The following ADNP variants were observed in gnomAD, a reference collection of about 807,000 sequenced individuals.
ADNP encodes the protein activity dependent neuroprotector homeobox, also known as activity-dependent neuroprotector homeobox protein.
ADNP carries 4 observed loss-of-function variants against 84.9 expected under a neutral mutation model. The observed-to-expected ratio is 0.05, with a 90% confidence interval of 0.02 to 0.11. ADNP has a LOEUF of 0.11. ADNP is among the 10% of genes least tolerant of loss of function. ADNP has a pLI of 1.00. For synonymous variants in ADNP, 554 were observed against 468.1 expected, an observed-to-expected ratio of 1.18 and a Z score of -2.37; for missense variants, 1,132 against 1,326.0, an observed-to-expected ratio of 0.85 and a Z score of 2.27.
In ADNP at chr20:50,893,236, T is replaced by A; in HGVS notation, c.1478A>T (p.Tyr493Phe). 6.2e-7 allele frequency: 1 copy of A among 1,614,254 alleles called. No homozygotes were observed. Residue 493 changes from tyrosine to phenylalanine, a missense_variant, in exon 6 of 6, where the codon TAC becomes TTC. Tyr to Phe is a conservative substitution (Grantham distance 22, BLOSUM62 3). Coordinates refer to ENST00000621696, the MANE Select transcript of ADNP (RefSeq NM_001282531.3). The surrounding 1 kb of genome is among the most constrained non-coding windows in gnomAD (Gnocchi z 4.4). ...KIHNFTSKCL[Y>F]CNRYLPTDTL... Reference sequence around the variant, plus strand: ...ATCTGTGGGTAAATAGCGATTACAGTAGAGGCATTTGCTAGTAAAATTGTG... The same window carrying A: ...ATCTGTGGGTAAATAGCGATTACAGAAGAGGCATTTGCTAGTAAAATTGTG...
intron 5 of ADNP, among the ~76,000 whole-genome samples, chr20:50,895,361 T>C (rs985376250): frequency 4.1e-4 from 63 of 152,192 alleles, no homozygotes; most frequent in African/African-American, 1.5e-3. Context: ...AACACAATGG[T>C]AAATATTTGT....
Position 50,892,368 on chromosome 20 carries a change from G to A in ADNP, c.2346C>T (p.Thr782=). The change falls in exon 6 of 6, where the codon ACC becomes ACT. Residue 782 remains threonine (T), a synonymous_variant. Coordinates refer to ENST00000621696, the MANE Select transcript of ADNP (RefSeq NM_001282531.3). ...TKYFNKQPYP[T]RREIEKLAAS... The stretch of plus-strand genomic sequence containing the variant: ...CTGCTAGCTTCTCAATTTCTCTCCT[G>A]GTGGGATAGGGCTGTTTGTTGAAAT... The A allele has an allele frequency of 6.2e-7, 1 of 1,614,096 alleles. No homozygotes were observed. The highest frequency in any genetic ancestry group is 8.5e-7 in the Non-Finnish European group (1 of 1,180,032).
chr20:50,908,631 A>C (rs965018048), intron 2 of ADNP, among the ~76,000 whole-genome samples: 1 of 151,916 alleles, frequency 6.6e-6, no homozygotes, highest in Non-Finnish European at 1.5e-5. Flanking sequence ...AAAATTAGCT[A>C]GGCGTGGTGG....
chr20:50,902,175 A>G (rs560911339), intron 4 of ADNP, 66 bp from the exon 5 acceptor site: 1 of 1,193,098 alleles, frequency 8.4e-7, no homozygotes, highest in Admixed American at 1.8e-5. Context: ...TCTTACATGT[A>G]AATCTCACCT....
chr20:50,913,960 ACTG>A (rs1251501932), intron 2 of ADNP: 1 of 711,372 alleles, frequency 1.4e-6, no homozygotes, highest in East Asian at 2.6e-5. Context: ...TCCTCTTCAG[ACTG>A]CTGTTTGTGC....
Position 50,891,105 on chromosome 20 carries a change from G to A in ADNP, c.*300C>T, listed in dbSNP as rs1338911838. The A allele has an allele frequency of 2.6e-6, 3 of 1,167,466 alleles. No homozygotes were observed. Among genetic ancestry groups the A allele is most frequent in the African/African-American group, 1.6e-5 (1 of 62,618 alleles). The allele number at this position is 1,167,466 out of a possible 1,614,324, so 72.3% of individuals were successfully genotyped here. A position where few individuals can be genotyped will look rare whatever the true frequency, so the allele number is the denominator to read the frequency against. On this transcript the variant is annotated 3_prime_UTR_variant, in exon 6 of 6. Coordinates refer to ENST00000621696, the MANE Select transcript of ADNP (RefSeq NM_001282531.3). ...GACATCTGACCAATCATTTCACAGA[G>A]GGAAAGAAATGTTGAAAAGGCAGAT...
At chr20:50,897,025 T>A (rs565505253) in intron 5 of ADNP, among the ~76,000 whole-genome samples, 1 of 152,368 alleles carries the variant, frequency 6.6e-6, no homozygotes, top group South Asian at 2.1e-4. Context: ...CACTGCAACC[T>A]GCACTTCCCG....
At chr20:50,902,185 T>C (rs1982052654) in intron 4 of ADNP, 76 bp from the exon 5 acceptor site, 1 of 1,098,048 alleles carries the variant, frequency 9.1e-7, no homozygotes, top group African/African-American at 1.6e-5. Flanking sequence ...AAATCTCACC[T>C]CTTAACTAAG....
Position 50,892,449 on chromosome 20 carries a change from G to A in ADNP, c.2265C>T (p.Asp755=), listed in dbSNP as rs1600929676. The change falls in exon 6 of 6, where the codon GAC becomes GAT. Residue 755 remains aspartate (D), a synonymous_variant. Coordinates refer to ENST00000621696, the MANE Select transcript of ADNP (RefSeq NM_001282531.3). The stretch of plus-strand genomic sequence containing the variant: ...AGGAATCATCTTCATGACCCTTGGG[G>A]TCTAAAGCTAAAACAACAGGCTCTT... The part of the protein sequence containing the change: ...KPEEPVVLAL[D]PKGHEDDSYE... 1.2e-6 allele frequency: 2 copies of A among 1,614,156 alleles called. No homozygotes were observed. The highest frequency in any genetic ancestry group is 2.2e-5 in the East Asian group (1 of 44,882).
In ADNP at chr20:50,931,057, GCAGA is replaced by G. The variant is rs1453225820; in HGVS notation, c.-500_-497del. ...GGCGGCGGCGGCGTCGTCGAGCGGTGCAGACAAAGGAGGGGCGGAGGGAGGAGAC... is the reference window on the plus strand; with the variant it reads ...GGCGGCGGCGGCGTCGTCGAGCGGTGCAAAGGAGGGGCGGAGGGAGGAGAC... On this transcript the variant is annotated 5_prime_UTR_variant, in exon 1 of 6. Transcript: ENST00000621696. 1.2e-4 allele frequency: 18 copies of G among 148,970 alleles called. No individual in the cohort carries two copies. The highest frequency in any genetic ancestry group is 1.2e-3 in the Admixed American group (18 of 14,928). 9.2% of individuals were successfully genotyped at this position (148,970 alleles called of 1,614,324 possible). A position where few individuals can be genotyped will look rare whatever the true frequency, so the allele number is the denominator to read the frequency against.
intron 5 of ADNP, among the ~76,000 whole-genome samples, chr20:50,895,061 A>T (rs1231603887): frequency 6.6e-6 from 1 of 152,264 alleles, no homozygotes; most frequent in Non-Finnish European, 1.5e-5. Context: ...CATTTTAGCT[A>T]AACCAAAGAC....
chr20:50,917,328 T>C (rs1983585589), intron 2 of ADNP, among the ~76,000 whole-genome samples: 1 of 152,240 alleles, frequency 6.6e-6, no homozygotes, highest in Non-Finnish European at 1.5e-5. Context: ...AGTCAGATGA[T>C]TCCATCACAT....
rs1980721918 is a variant in ADNP, at chr20:50,891,548, GCTC to G, written c.3163_3165del (p.Glu1055del). ...CACTCAATCTGGGGGTTAGATAAGC[GCTC>G]ATCATTCTCAGATGCATTCTTCCAC... On this transcript the variant is annotated inframe_deletion, in exon 6 of 6. Coordinates refer to ENST00000621696, the MANE Select transcript of ADNP (RefSeq NM_001282531.3). 6.2e-7 allele frequency: 1 copy of G among 1,611,960 alleles called. No individual in the cohort carries two copies. Among genetic ancestry groups the G allele is most frequent in the Non-Finnish European group, 8.5e-7 (1 of 1,180,034 alleles).
chr20:50,910,205 T>G (rs1568731955), intron 2 of ADNP, among the ~76,000 whole-genome samples: 1 of 152,152 alleles, frequency 6.6e-6, no homozygotes, highest in Non-Finnish European at 1.5e-5. Context: ...GCTTTGACTC[T>G]GATTTCATGA....
chr20:50,907,723 G>C (rs946656241), intron 2 of ADNP, among the ~76,000 whole-genome samples: 2 of 151,672 alleles, frequency 1.3e-5, no homozygotes, highest in Admixed American at 6.6e-5. Context: ...GGGACTACAG[G>C]TGCACACTAC....
At chr20:50,920,396 C>CAGTAG (rs1983877305) in intron 2 of ADNP, among the ~76,000 whole-genome samples, 1 of 150,952 alleles carries the variant, frequency 6.6e-6, no homozygotes, top group African/African-American at 2.4e-5. Context: ...GCCTGACCAA[C>CAGTAG]ATGGTGAAAC....
intron 2 of ADNP, among the ~76,000 whole-genome samples, chr20:50,919,266 C>A (rs1013235047): frequency 7.8e-6 from 1 of 128,596 alleles, no homozygotes. Flanking sequence ...TCAAGACCAG[C>A]CTGAAAAAAT....
At chr20:50,926,589 G>A (rs1240076903) in intron 2 of ADNP, among the ~76,000 whole-genome samples, 1 of 151,916 alleles carries the variant, frequency 6.6e-6, no homozygotes, top group African/African-American at 2.4e-5. Context: ...AAAACTAAAT[G>A]TACTTTCCCC....
Position 50,889,194 on chromosome 20 carries a change from T to G in ADNP, c.*2211A>C, listed in dbSNP as rs1980387939. 1 of 152,180 alleles carries G rather than the reference T, an allele frequency of 6.6e-6. No homozygotes were observed. Among genetic ancestry groups the G allele is most frequent in the African/African-American group, 2.4e-5 (1 of 41,452 alleles). The allele number at this position is 152,180 out of a possible 1,614,324, so 9.4% of individuals were successfully genotyped here. A position where few individuals can be genotyped will look rare whatever the true frequency, so the allele number is the denominator to read the frequency against. On this transcript the variant is annotated 3_prime_UTR_variant, in exon 6 of 6. Transcript: ENST00000621696. Reference sequence around the variant, plus strand: ...TCACCACCTTAATGAGGAAACACACTTATCTGTGTCTGTTCCGATATCCAA... The same window carrying G: ...TCACCACCTTAATGAGGAAACACACGTATCTGTGTCTGTTCCGATATCCAA...
Sources: allele counts gnomAD v4.1 joint callset (sites outside exome capture counted in the v4.1 genomes callset), GRCh38; gene constraint gnomAD v4.1.1; non-coding constraint Gnocchi (gnomAD v3.1); transcripts MANE v1.5; gene names NCBI Gene and HGNC (gene_info 2026-07-23, HGNC 2026-07-21).